The following PDRG1 variants were observed in gnomAD, a reference collection of about 807,000 sequenced individuals.
PDRG1 encodes p53 and DNA damage regulated 1.
PDRG1 carries 14 observed loss-of-function variants against 18.4 expected under a neutral mutation model. That is an observed-to-expected ratio of 0.76 (90% CI 0.50 to 1.19). PDRG1 has a LOEUF of 1.19. Among genes scored for constraint, PDRG1 ranks in the 50% most tolerant of loss-of-function variants. The pLI, the probability that PDRG1 is intolerant of heterozygous loss-of-function variation, is 0.00. For synonymous variants in PDRG1, 65 were observed against 60.9 expected (o/e 1.07, Z -0.31); for missense variants, 177 against 160.1 (o/e 1.11, Z -0.57).
In PDRG1 at chr20:31,945,303, G is replaced by A. The variant is rs1191823444; in HGVS notation, c.*504C>T. 1 of 153,004 alleles carries A rather than the reference G, an allele frequency of 6.5e-6. No homozygotes were observed. Among genetic ancestry groups the A allele is most frequent in the Non-Finnish European group, 1.5e-5 (1 of 68,336 alleles). The allele number at this position is 153,004 out of a possible 1,614,324, so 9.5% of individuals were successfully genotyped here. On this transcript the variant is annotated 3_prime_UTR_variant, in exon 5 of 5. Transcript: ENST00000202017. ...TGTGCCTGCCCCACAGATGGCTGTG[G>A]TGAGCCACAAAGCACCAAGATTCTG...
chr20:31,949,392 C>T lies in PDRG1; in HGVS notation c.164-510G>A, dbSNP rs527760701. Among the ~76,000 whole-genome samples the T allele has an allele frequency of 1.8e-4, 28 of 152,176 alleles. 1 individual carries two copies. The South Asian group carries it at 2.7e-3, about 15-fold the overall frequency. The stretch of plus-strand genomic sequence containing the variant: ...CTCGAGACCGGCCTGGCCAACATGG[C>T]GAAACGCTGTATCTATTAAAAATAC... On this transcript the variant is annotated intron_variant, in intron 2 of 4. Transcript: ENST00000202017.
intron 2 of PDRG1, 39 bp from the exon 3 acceptor site, chr20:31,948,921 T>C (rs1161166908): frequency 3.2e-6 from 5 of 1,585,542 alleles, no homozygotes; most frequent in Admixed American, 1.7e-5. Flanking sequence ...CAATTTTTTT[T>C]TGAGTACCTA....
intron 3 of PDRG1, 38 bp from the exon 4 acceptor site, chr20:31,946,614 T>C: frequency 1.9e-6 from 3 of 1,545,796 alleles, no homozygotes; most frequent in Non-Finnish European, 2.7e-6. Context: ...GATAAGATTG[T>C]ACCAGACAGA....
Position 31,945,710 on chromosome 20 carries a change from C to A in PDRG1, c.*97G>T. ...CAGATTCCTGACGGCTGGCCCCTTACAGGGCAGATCCTGTCCTTACAGGTG... is the reference window on the plus strand; with the variant it reads ...CAGATTCCTGACGGCTGGCCCCTTAAAGGGCAGATCCTGTCCTTACAGGTG... On this transcript the variant is annotated 3_prime_UTR_variant, in exon 5 of 5. Transcript: ENST00000202017. 1.0e-6 allele frequency: 1 copy of A among 960,702 alleles called. No homozygotes were observed. Among genetic ancestry groups the A allele is most frequent in the Non-Finnish European group, 1.6e-6 (1 of 639,170 alleles). 59.5% of individuals were successfully genotyped at this position (960,702 alleles called of 1,614,324 possible).
rs770220404 is a variant in PDRG1, at chr20:31,952,025, GCGCACGCGC to G, written c.-73_-65del. On this transcript the variant is annotated 5_prime_UTR_variant, in exon 1 of 5. Transcript: ENST00000202017. ...CGGGATCTCCGCTTCGACTCCCGCT[GCGCACGCGC>G]CGCTCTCTAGGTGCTTCCGGCGCGC... 2.3e-4 allele frequency: 340 copies of G among 1,486,150 alleles called. No individual in the cohort carries two copies. The highest frequency in any genetic ancestry group is 2.9e-4 in the Non-Finnish European group (323 of 1,119,696). 92.1% of individuals were successfully genotyped at this position (1,486,150 alleles called of 1,614,324 possible). A position where few individuals can be genotyped will look rare whatever the true frequency, so the allele number is the denominator to read the frequency against.
rs760715989 is a variant in PDRG1 at position 31,950,292 on chromosome 20, C to A, written c.163+20G>T. The A allele has an allele frequency of 1.3e-6, 2 of 1,572,370 alleles. No homozygotes were observed. Among genetic ancestry groups the A allele is most frequent in the South Asian group, 1.1e-5 (1 of 90,192 alleles). ...AACGGAACAGGCCTCCAGGGCTGCA[C>A]TGAGAAAATTTCAACTTACCAGAGA... On this transcript the variant is annotated intron_variant, in intron 2 of 4. Coordinates refer to ENST00000202017, the MANE Select transcript of PDRG1 (RefSeq NM_030815.3).
intron 2 of PDRG1, 31 bp from the exon 3 acceptor site, chr20:31,948,913 A>G (rs1568862726): frequency 6.3e-6 from 10 of 1,588,486 alleles, no homozygotes; most frequent in South Asian, 1.1e-5. Flanking sequence ...TCCTTCAACA[A>G]TTTTTTTTTG....
chr20:31,944,768 C>T lies in PDRG1; in HGVS notation c.*1039G>A, dbSNP rs1469320824. 6.6e-6 allele frequency: 1 copy of T among 152,206 alleles called. No individual in the cohort carries two copies. Among genetic ancestry groups the T allele is most frequent in the South Asian group, 2.1e-4 (1 of 4,830 alleles). 9.4% of individuals were successfully genotyped at this position (152,206 alleles called of 1,614,324 possible). On this transcript the variant is annotated 3_prime_UTR_variant, in exon 5 of 5. Coordinates refer to ENST00000202017, the MANE Select transcript of PDRG1 (RefSeq NM_030815.3). ...CATGACAGCCTGTGTTTCTATGTAA[C>T]TATGAGCCAGAGCCAAGGAGCGGGG...
At chr20:31,951,837 C>T in intron 1 of PDRG1, 38 bp downstream of exon 1, 2 of 1,527,482 alleles carry the variant, frequency 1.3e-6, no homozygotes, top group Non-Finnish European at 1.8e-6. Context: ...CCCACGGCGC[C>T]GGCCGCCAGG....
Position 31,945,916 on chromosome 20 carries a change from C to T in PDRG1, c.320-27G>A, listed in dbSNP as rs778889454. 4.8e-5 allele frequency: 77 copies of T among 1,589,594 alleles called. 1 individual carries two copies. In the Middle Eastern group the frequency reaches 6.0e-4, roughly 12 times the overall value. On this transcript the variant is annotated intron_variant, in intron 4 of 4. Coordinates refer to ENST00000202017, the MANE Select transcript of PDRG1 (RefSeq NM_030815.3). The stretch of plus-strand genomic sequence containing the variant: ...TAGGAGAGAAGATGATCCATCAGCA[C>T]GTCGGGCCTCCTGCTGGCTCTGGAG...
At position 31,951,888 on chromosome 20, in the gene PDRG1, G is replaced by A; in HGVS notation, c.74C>T (p.Ala25Val). 1.3e-6 allele frequency: 2 copies of A among 1,585,982 alleles called. No homozygotes were observed. Among genetic ancestry groups the A allele is most frequent in the East Asian group, 2.4e-5 (1 of 42,406 alleles). ...EVEELAEEVL[A>V]DKRQIVDLDT... ...GGGGCCTCTCACCTGCCGCTTGTCC[G>A]CCAGCACCTCCTCGGCGAGCTCCTC... The change falls in exon 1 of 5, where the codon GCG becomes GTG. Residue 25 changes from alanine (A) to valine (V), a missense_variant. Ala to Val is a moderately conservative substitution (Grantham distance 64). Transcript: ENST00000202017.
intron 4 of PDRG1, 38 bp from the exon 5 acceptor site, chr20:31,945,927 C>G: frequency 6.4e-7 from 1 of 1,554,898 alleles, no homozygotes; most frequent in Non-Finnish European, 8.9e-7. Context: ...GTCGGGCCTC[C>G]TGCTGGCTCT....
intron 2 of PDRG1, among the ~76,000 whole-genome samples, chr20:31,949,337 C>T (rs752609500): frequency 3.7e-4 from 57 of 152,082 alleles, no homozygotes; most frequent in Non-Finnish European, 6.8e-4. Context: ...TTTGGGAGGC[C>T]GAGGCAGGTG....
At chr20:31,946,388 C>T in intron 4 of PDRG1, 108 bp downstream of exon 4, 2 of 1,052,654 alleles carry the variant, frequency 1.9e-6, no homozygotes, top group Non-Finnish European at 1.5e-6. Flanking sequence ...TCACAGGCTG[C>T]CCCGGACACT....
chr20:31,947,533 G>A (rs2064326466), intron 3 of PDRG1, among the ~76,000 whole-genome samples: 1 of 152,226 alleles, frequency 6.6e-6, no homozygotes, highest in South Asian at 2.1e-4. Flanking sequence ...CATAATATTA[G>A]TGTATTTTTT....
chr20:31,946,424 C>T (rs2123677315), intron 4 of PDRG1, 72 bp downstream of exon 4: 2 of 1,400,502 alleles, frequency 1.4e-6, no homozygotes. Flanking sequence ...TCGGACTTCC[C>T]ATCCCTGCCC....
intron 3 of PDRG1, 109 bp downstream of exon 3, chr20:31,948,698 AC>A (rs1292556905): frequency 1.0e-6 from 1 of 986,896 alleles, no homozygotes; most frequent in African/African-American, 1.6e-5. Flanking sequence ...GAACCCTGTG[AC>A]AGAACTGCCT....
chr20:31,950,281 C>G, intron 2 of PDRG1, 31 bp downstream of exon 2: 1 of 1,536,878 alleles, frequency 6.5e-7, no homozygotes, highest in East Asian at 2.2e-5. Flanking sequence ...GAACAGGCCT[C>G]CAGGGCTGCA....
Position 31,945,436 on chromosome 20 carries a change from TC to T in PDRG1, c.*370del, listed in dbSNP as rs1306276757. The T allele has an allele frequency of 5.6e-6, 1 of 178,776 alleles. No individual in the cohort carries two copies. Among genetic ancestry groups the T allele is most frequent in the Non-Finnish European group, 1.2e-5 (1 of 84,978 alleles). 11.1% of individuals were successfully genotyped at this position (178,776 alleles called of 1,614,324 possible). A position where few individuals can be genotyped will look rare whatever the true frequency, so the allele number is the denominator to read the frequency against. On this transcript the variant is annotated 3_prime_UTR_variant, in exon 5 of 5. Transcript: ENST00000202017. ...GAGGAATGCTGGAATGACACTCCAC[TC>T]TGCCCCTCCCTCCCTCCTTCCTTGC...
Sources: gnomAD v4.1 joint callset for allele counts (sites outside exome capture counted in the v4.1 genomes callset) on GRCh38, gnomAD v4.1.1 for gene constraint, MANE v1.5 for transcripts, NCBI Gene and HGNC (gene_info 2026-07-23, HGNC 2026-07-21) for gene names.